CRYBG1: variants seen among roughly 807,000 people sequenced by gnomAD.
The protein encoded by CRYBG1 is beta/gamma crystallin domain-containing protein 1.
Under a neutral mutation model 189.2 loss-of-function variants are expected in CRYBG1, and 139 were observed. That is an observed-to-expected ratio of 0.73 (90% CI 0.64 to 0.85). The LOEUF (loss-of-function observed/expected upper bound fraction) is 0.85. Ranked by LOEUF, CRYBG1 falls within the 40% of genes least tolerant of loss-of-function variation. The pLI is 0.00. For missense variants in CRYBG1, 2,611 were observed against 2,675.8 expected (o/e 0.98, Z 0.53); for synonymous variants, 1,023 against 1,017.1 (o/e 1.01, Z -0.11).
At chr6:106,456,116 T>C (rs937036847) in intron 2 of CRYBG1, among the ~76,000 whole-genome samples, 1 of 152,248 alleles carries the variant, frequency 6.6e-6, no homozygotes, top group Admixed American at 6.5e-5. Context: ...TTCTCAACTA[T>C]CTCAGTGGTT....
intron 3 of CRYBG1, among the ~76,000 whole-genome samples, chr6:106,516,972 C>T (rs935102813): frequency 3.3e-5 from 5 of 151,050 alleles, no homozygotes; most frequent in Admixed American, 1.3e-4. Context: ...CTTTATCTCT[C>T]CCGTTTTATA....
intron 8 of CRYBG1, among the ~76,000 whole-genome samples, chr6:106,530,701 C>T (rs1773859814): frequency 6.6e-6 from 1 of 152,086 alleles, no homozygotes; most frequent in Non-Finnish European, 1.5e-5. Context: ...CATGGTACTT[C>T]CTTGAATATT....
chr6:106,571,877 T>A lies in CRYBG1; in HGVS notation c.*3311T>A. On this transcript the variant is annotated 3_prime_UTR_variant, in exon 22 of 22. Transcript: ENST00000633556. ...TGGTGTGTTTATTTTTTAAAGCTTG[T>A]ATCATGGAATGTATAATCTAATCTG... is the stretch of plus-strand genomic sequence containing the variant. 1.6e-6 allele frequency: 1 copy of A among 625,434 alleles called. No individual in the cohort carries two copies. The highest frequency in any genetic ancestry group is 2.8e-6 in the Non-Finnish European group (1 of 351,806). 38.7% of individuals were successfully genotyped at this position (625,434 alleles called of 1,614,324 possible).
chr6:106,370,937 G>A (rs546783233), intron 1 of CRYBG1, among the ~76,000 whole-genome samples: 1 of 152,156 alleles, frequency 6.6e-6, no homozygotes, highest in South Asian at 2.1e-4. Context: ...AGCACCTATA[G>A]TCTGGTTATT....
At chr6:106,439,076 A>G (rs1193250047) in intron 1 of CRYBG1, among the ~76,000 whole-genome samples, 15 of 150,714 alleles carry the variant, frequency 1.0e-4, no homozygotes, top group Admixed American at 9.9e-4. Context: ...AGAGAAAAAT[A>G]TTTTGAGTGG....
intron 6 of CRYBG1, 79 bp downstream of exon 6, chr6:106,525,465 A>T: frequency 9.1e-7 from 1 of 1,095,516 alleles, no homozygotes; most frequent in Non-Finnish European, 1.4e-6. Flanking sequence ...CCTCACTACT[A>T]GTTTAAAATT....
At chr6:106,421,635 T>C (rs972493511) in intron 1 of CRYBG1, among the ~76,000 whole-genome samples, 9 of 152,148 alleles carry the variant, frequency 5.9e-5, no homozygotes, top group Non-Finnish European at 1.0e-4. Context: ...CTCAGTCTTG[T>C]CCTGTTAATC....
intron 2 of CRYBG1, among the ~76,000 whole-genome samples, chr6:106,473,871 A>G (rs1439552410): frequency 6.6e-6 from 1 of 152,226 alleles, no homozygotes; most frequent in African/African-American, 2.4e-5. Flanking sequence ...TAACCATGAA[A>G]TAGACTTGTC....
intron 1 of CRYBG1, among the ~76,000 whole-genome samples, chr6:106,427,220 A>G (rs909411957): frequency 6.6e-6 from 1 of 152,070 alleles, no homozygotes; most frequent in Admixed American, 6.5e-5. Context: ...CCCAATATCC[A>G]TCTCTGTCTG....
chr6:106,488,162 A>G (rs1206856665), intron 2 of CRYBG1, among the ~76,000 whole-genome samples: 4 of 152,172 alleles, frequency 2.6e-5, no homozygotes, highest in Non-Finnish European at 5.9e-5. Flanking sequence ...GGTCAGGGGC[A>G]CTAAGCTGGT....
intron 14 of CRYBG1, 34 bp from the exon 15 acceptor site, chr6:106,552,150 C>A: frequency 6.4e-7 from 1 of 1,558,086 alleles, no homozygotes; most frequent in South Asian, 1.2e-5. Flanking sequence ...TTGTTCTATT[C>A]ATTTCCTTTT....
intron 1 of CRYBG1, among the ~76,000 whole-genome samples, chr6:106,432,840 C>CTTTTTTTTT (rs5878888): frequency 7.8e-6 from 1 of 128,880 alleles, no homozygotes; most frequent in Non-Finnish European, 1.6e-5. Context: ...TCTTTTCTTT[C>CTTTTTTTTT]TTTTTTTTTT....
Position 106,568,461 on chromosome 6 carries a change from C to T in CRYBG1, c.6302-11C>T. ...GGTACATTCATCTTTTATTATTTTC[C>T]TTTCTTTTAGGGGGCACACAGTATG... is the stretch of plus-strand genomic sequence containing the variant. On this transcript the variant is annotated splice_polypyrimidine_tract_variant and intron_variant, in intron 21 of 21. Coordinates refer to ENST00000633556, the MANE Select transcript of CRYBG1 (RefSeq NM_001371242.2). The T allele has an allele frequency of 6.2e-7, 1 of 1,605,052 alleles. No individual in the cohort carries two copies. The highest frequency in any genetic ancestry group is 1.1e-5 in the South Asian group (1 of 90,854).
rs756482425 is a variant in CRYBG1, at chr6:106,563,859, C to T, written c.6234C>T (p.Phe2078=). Residue 2078 remains phenylalanine, a synonymous_variant, in exon 21 of 22, where the codon TTC becomes TTT. Coordinates refer to ENST00000633556, the MANE Select transcript of CRYBG1 (RefSeq NM_001371242.2). ...TGGACCAGAATGCTGACAGCCAGTT[C>T]TGGAGCTTGAAGTCCGATGGCAGGA... ...LALDQNADSQ[F]WSLKSDGRIY... 1 of 1,613,624 alleles carries T rather than the reference C, an allele frequency of 6.2e-7. No individual in the cohort carries two copies. Among genetic ancestry groups the T allele is most frequent in the Non-Finnish European group, 8.5e-7 (1 of 1,179,548 alleles).
Position 106,569,395 on chromosome 6 carries a change from T to G in CRYBG1, c.*829T>G, listed in dbSNP as rs1135384. 0.16 allele frequency: 24,609 copies of G among 150,960 alleles called. 2,448 individuals carry two copies. Among genetic ancestry groups the G allele is most frequent in the African/African-American group, 0.28 (11,588 of 41,130 alleles). The allele number at this position is 150,960 out of a possible 1,614,324, so 9.4% of individuals were successfully genotyped here. On this transcript the variant is annotated 3_prime_UTR_variant, in exon 22 of 22. Transcript: ENST00000633556. ...ATCACCAAGCCCAGCCAAATTTTGT[T>G]TTTTTTTTGTAGAGATGGGGTTTCA...
intron 1 of CRYBG1, among the ~76,000 whole-genome samples, chr6:106,368,263 A>G (rs868198312): frequency 1.3e-5 from 2 of 150,304 alleles, no homozygotes; most frequent in African/African-American, 4.9e-5. Flanking sequence ...TAAAAAAGAT[A>G]CATACACACA....
intron 10 of CRYBG1, among the ~76,000 whole-genome samples, chr6:106,543,170 C>T (rs1441284428): frequency 6.6e-6 from 1 of 151,756 alleles, no homozygotes; most frequent in African/African-American, 2.4e-5. Flanking sequence ...GCTGAGATTA[C>T]AGGTGTGCAT....
At chr6:106,492,793 A>G (rs1368442671) in intron 2 of CRYBG1, among the ~76,000 whole-genome samples, 1 of 152,142 alleles carries the variant, frequency 6.6e-6, no homozygotes, top group Non-Finnish European at 1.5e-5. Flanking sequence ...TTCTTAATGT[A>G]AGAGACTTGT....
chr6:106,486,134 C>T (rs1772588841), intron 2 of CRYBG1, among the ~76,000 whole-genome samples: 1 of 151,948 alleles, frequency 6.6e-6, no homozygotes, highest in African/African-American at 2.4e-5. Flanking sequence ...TCGTTGTGTC[C>T]CACAGGTTTT....
Sources: allele counts gnomAD v4.1 joint callset (sites outside exome capture counted in the v4.1 genomes callset), GRCh38; gene constraint gnomAD v4.1.1; transcripts MANE v1.5; gene names NCBI Gene and HGNC (gene_info 2026-07-23, HGNC 2026-07-21).